DLG2: variants seen among roughly 807,000 people sequenced by gnomAD.
DLG2 encodes the protein discs large MAGUK scaffold protein 2, also known as disks large homolog 2.
DLG2 carries 45 observed loss-of-function variants against 132.5 expected under a neutral mutation model. That is an observed-to-expected ratio of 0.34 (90% confidence interval 0.27 to 0.44). The LOEUF (loss-of-function observed/expected upper bound fraction) is 0.44. DLG2 is among the 20% of genes least tolerant of loss of function. The pLI, the probability that DLG2 is intolerant of heterozygous loss-of-function variation, is 1.00. For missense variants in DLG2, 1,045 were observed against 1,196.9 expected (o/e 0.87, Z 1.87); for synonymous variants, 424 against 419.6 (o/e 1.01, Z -0.13).
intron 3 of DLG2, among the ~76,000 whole-genome samples, chr11:85,482,303 C>A (rs1462708315): frequency 1.3e-5 from 2 of 152,192 alleles, no homozygotes; most frequent in African/African-American, 4.8e-5. Flanking sequence ...TCTATCCCAC[C>A]CCAATGCCAG....
At chr11:84,873,308 G>A (rs1274276436) in intron 6 of DLG2, among the ~76,000 whole-genome samples, 1 of 152,144 alleles carries the variant, frequency 6.6e-6, no homozygotes, top group East Asian at 1.9e-4. Flanking sequence ...AGAAATGCAG[G>A]CAGCCTCTAG....
At chr11:85,611,563 T>C (rs2081000719) in intron 2 of DLG2, among the ~76,000 whole-genome samples, 1 of 152,234 alleles carries the variant, frequency 6.6e-6, no homozygotes, top group Admixed American at 6.5e-5. Context: ...TATGCCATAG[T>C]TAATGATGTA....
At chr11:85,024,949 A>T (rs543719391) in intron 6 of DLG2, among the ~76,000 whole-genome samples, 5 of 152,318 alleles carry the variant, frequency 3.3e-5, no homozygotes, top group African/African-American at 1.2e-4. Context: ...AGAAAGTAGA[A>T]TATTCCATTG....
At chr11:83,939,557 T>C (rs1342044571) in intron 14 of DLG2, among the ~76,000 whole-genome samples, 2 of 152,188 alleles carry the variant, frequency 1.3e-5, no homozygotes, top group Non-Finnish European at 2.9e-5. Flanking sequence ...TCTTTCTTTT[T>C]ATCATGGTGT....
intron 18 of DLG2, among the ~76,000 whole-genome samples, chr11:83,720,678 A>G (rs573438132): frequency 6.6e-6 from 1 of 151,182 alleles, no homozygotes; most frequent in South Asian, 2.1e-4. Flanking sequence ...ATATTAACAC[A>G]TTGAAATGAA....
At chr11:83,893,294 A>G (rs1196636581) in intron 15 of DLG2, among the ~76,000 whole-genome samples, 3 of 152,212 alleles carry the variant, frequency 2.0e-5, no homozygotes, top group Non-Finnish European at 4.4e-5. Flanking sequence ...AAAACCTCTC[A>G]AAGACTTTTC....
At chr11:84,304,459 G>A (rs2098192658) in intron 7 of DLG2, among the ~76,000 whole-genome samples, 2 of 152,208 alleles carry the variant, frequency 1.3e-5, no homozygotes, top group South Asian at 4.1e-4. Context: ...TTGTTGGGCA[G>A]AAAGGGACAT....
intron 4 of DLG2, among the ~76,000 whole-genome samples, chr11:85,185,344 T>C (rs1205138970): frequency 1.3e-5 from 2 of 152,048 alleles, no homozygotes; most frequent in African/African-American, 4.8e-5. Flanking sequence ...ATTTTGGAAG[T>C]CTTCCCATTA....
intron 7 of DLG2, among the ~76,000 whole-genome samples, chr11:84,253,743 A>T (rs2097422399): frequency 6.6e-6 from 1 of 152,178 alleles, no homozygotes; most frequent in Admixed American, 6.5e-5. Context: ...CATTATTATC[A>T]CTATTTCTAT....
intron 3 of DLG2, among the ~76,000 whole-genome samples, chr11:85,583,648 T>C (rs1034470894): frequency 2.0e-5 from 3 of 152,140 alleles, no homozygotes; most frequent in Non-Finnish European, 4.4e-5. Flanking sequence ...TATAGATGAA[T>C]ACTCCTCATT....
At chr11:84,237,981 G>T (rs1391241015) in intron 8 of DLG2, among the ~76,000 whole-genome samples, 2 of 146,486 alleles carry the variant, frequency 1.4e-5, no homozygotes, top group African/African-American at 2.5e-5. Context: ...GGCAGAGGTT[G>T]CAGTGAGCCG....
At chr11:84,488,756 G>T (rs1049893766) in intron 7 of DLG2, among the ~76,000 whole-genome samples, 2 of 152,096 alleles carry the variant, frequency 1.3e-5, no homozygotes, top group Non-Finnish European at 2.9e-5. Flanking sequence ...GGTGAAGAAA[G>T]ATGACTGCAG....
chr11:83,751,857 C>A (rs930046063), intron 18 of DLG2, among the ~76,000 whole-genome samples: 5 of 152,152 alleles, frequency 3.3e-5, no homozygotes, highest in African/African-American at 1.2e-4. Context: ...ATATGGAGTT[C>A]TTTGGAGAGT....
At chr11:84,991,736 C>T (rs924258369) in intron 6 of DLG2, among the ~76,000 whole-genome samples, 3 of 151,974 alleles carry the variant, frequency 2.0e-5, no homozygotes, top group Admixed American at 6.6e-5. Context: ...GTTACTATTG[C>T]GAAAAACTGG....
intron 10 of DLG2, among the ~76,000 whole-genome samples, chr11:84,089,493 T>C (rs1199526794): frequency 1.3e-5 from 2 of 152,100 alleles, no homozygotes; most frequent in Non-Finnish European, 2.9e-5. Context: ...AGCAAAAAAA[T>C]GAATTGACAA....
intron 7 of DLG2, among the ~76,000 whole-genome samples, chr11:84,446,262 TTTA>T (rs902110915): frequency 2.0e-5 from 3 of 152,256 alleles, no homozygotes; most frequent in Admixed American, 1.3e-4. Flanking sequence ...ATGTTCTGTT[TTTA>T]TTATGATTTT....
At chr11:85,231,954 T>C (rs951863855) in intron 4 of DLG2, among the ~76,000 whole-genome samples, 1 of 151,864 alleles carries the variant, frequency 6.6e-6, no homozygotes, top group African/African-American at 2.4e-5. Flanking sequence ...ACGCATCTTA[T>C]TGTTCAACAA....
chr11:83,748,344 C>T (rs2093063460), intron 18 of DLG2, among the ~76,000 whole-genome samples: 1 of 152,180 alleles, frequency 6.6e-6, no homozygotes, highest in Non-Finnish European at 1.5e-5. Flanking sequence ...TGCATATAAT[C>T]AACTGGACAT....
intron 3 of DLG2, among the ~76,000 whole-genome samples, chr11:85,514,649 T>A (rs2094139271): frequency 6.6e-6 from 1 of 151,980 alleles, no homozygotes; most frequent in Admixed American, 6.6e-5. Context: ...TTTTACAACT[T>A]GTTTTCTCTA....
Sources: allele counts gnomAD v4.1 joint callset (sites outside exome capture counted in the v4.1 genomes callset), GRCh38; gene constraint gnomAD v4.1.1; transcripts MANE v1.5; gene names NCBI Gene and HGNC (gene_info 2026-07-23, HGNC 2026-07-21).